Variants in CAB39L observed in about 807,000 individuals in gnomAD.
The protein encoded by CAB39L is calcium binding protein 39 like, also known as calcium-binding protein 39-like.
Under a neutral mutation model 39.1 loss-of-function variants are expected in CAB39L, and 23 were observed. The ratio of observed to expected loss-of-function variants is 0.59; its 90% CI spans 0.42 to 0.83. The LOEUF is 0.83. Among genes scored for constraint, CAB39L ranks in the 40% least tolerant of loss-of-function variants. CAB39L has a pLI of 0.00. For synonymous variants in CAB39L, 126 were observed against 137.2 expected (o/e 0.92, Z 0.57); for missense variants, 366 against 391.9 (o/e 0.93, Z 0.56).
intron 5 of CAB39L, among the ~76,000 whole-genome samples, chr13:49,374,897 CA>C (rs1956014409): frequency 1.3e-5 from 2 of 152,194 alleles, no homozygotes; most frequent in Non-Finnish European, 1.5e-5. Flanking sequence ...TTAATGACGA[CA>C]GTAGCTTAAT....
intron 4 of CAB39L, among the ~76,000 whole-genome samples, chr13:49,378,605 CCCGG>C (rs1956165562): frequency 8.5e-4 from 62 of 72,520 alleles, no homozygotes; most frequent in East Asian, 1.3e-3. Flanking sequence ...CAGCCCTCCG[CCCGG>C]CCAGCCGCCC....
chr13:49,385,573 C>T (rs532131568), intron 3 of CAB39L, among the ~76,000 whole-genome samples: 1 of 152,200 alleles, frequency 6.6e-6, no homozygotes, highest in Non-Finnish European at 1.5e-5. Context: ...ATGCCTTCCT[C>T]ACTAAGACTA....
At chr13:49,392,620 C>T (rs567978777) in intron 3 of CAB39L, among the ~76,000 whole-genome samples, 34 of 151,700 alleles carry the variant, frequency 2.2e-4, no homozygotes, top group Non-Finnish European at 4.6e-4. Context: ...CCAGCCTGGG[C>T]GACAGAGCAA....
At chr13:49,380,814 T>C (rs1338705791) in intron 4 of CAB39L, among the ~76,000 whole-genome samples, 1 of 152,210 alleles carries the variant, frequency 6.6e-6, no homozygotes, top group Non-Finnish European at 1.5e-5. Context: ...AAGAAGGAAA[T>C]GAGTAGAATA....
At chr13:49,366,071 T>G (rs1363070342) in intron 5 of CAB39L, among the ~76,000 whole-genome samples, 1 of 152,190 alleles carries the variant, frequency 6.6e-6, no homozygotes, top group African/African-American at 2.4e-5. Flanking sequence ...AAACATCAGA[T>G]GTTCTCAGTT....
At chr13:49,431,639 G>A (rs185823993) in intron 3 of CAB39L, among the ~76,000 whole-genome samples, 2 of 151,960 alleles carry the variant, frequency 1.3e-5, no homozygotes, top group Non-Finnish European at 2.9e-5. Flanking sequence ...CCTGGGAGGT[G>A]GAGGCTGCAG....
chr13:49,313,353 C>T (rs539930593), intron 10 of CAB39L, among the ~76,000 whole-genome samples: 11 of 152,068 alleles, frequency 7.2e-5, no homozygotes, highest in African/African-American at 1.4e-4. Context: ...TGGTGGCGGG[C>T]GCCTGTAGTC....
chr13:49,385,003 TAGAG>T lies in CAB39L; in HGVS notation c.-31-2066_-31-2063del, dbSNP rs370805331. Among the ~76,000 whole-genome samples the T allele has an allele frequency of 4.4e-4, 67 of 152,332 alleles. 2 individuals are homozygous for T. In the East Asian group the frequency reaches 0.012, roughly 28 times the overall value. On this transcript the variant is annotated intron_variant, in intron 3 of 10. Transcript: ENST00000409308. Reference sequence around the variant, plus strand: ...GTTACCAGCTGCATTAGCTCCTAACTAGAGAGTCAGCTTGTCCTTTAAAGCCAGG... The same window carrying T: ...GTTACCAGCTGCATTAGCTCCTAACTAGTCAGCTTGTCCTTTAAAGCCAGG...
intron 10 of CAB39L, among the ~76,000 whole-genome samples, chr13:49,326,011 G>A (rs1168061621): frequency 6.6e-6 from 1 of 152,166 alleles, no homozygotes. Flanking sequence ...GTTTTGAAGG[G>A]AATAGCTATT....
chr13:49,352,913 T>C (rs1334541049), intron 6 of CAB39L, among the ~76,000 whole-genome samples: 1 of 152,250 alleles, frequency 6.6e-6, no homozygotes, highest in Non-Finnish European at 1.5e-5. Context: ...AGTAATGTAC[T>C]ACTCTTTATA....
intron 9 of CAB39L, among the ~76,000 whole-genome samples, chr13:49,332,438 T>C (rs1954733206): frequency 6.6e-6 from 1 of 152,140 alleles, no homozygotes; most frequent in African/African-American, 2.4e-5. Flanking sequence ...GTAGAAGTAA[T>C]AACAAAATTG....
chr13:49,316,043 G>A (rs983393434), intron 10 of CAB39L, among the ~76,000 whole-genome samples: 10 of 151,854 alleles, frequency 6.6e-5, no homozygotes, highest in African/African-American at 2.4e-4. Flanking sequence ...ACGGAGAACA[G>A]GAAAATGACA....
At chr13:49,376,908 T>C (rs1956078489) in intron 5 of CAB39L, 59 bp downstream of exon 5, 4 of 1,351,398 alleles carry the variant, frequency 3.0e-6, no homozygotes, top group Non-Finnish European at 3.1e-6. Flanking sequence ...GATAGATAGA[T>C]AGATAGATAG....
chr13:49,354,769 A>G (rs1955443526), intron 6 of CAB39L, among the ~76,000 whole-genome samples: 1 of 152,204 alleles, frequency 6.6e-6, no homozygotes, highest in African/African-American at 2.4e-5. Flanking sequence ...TCAAATAATG[A>G]CAGCATAATG....
chr13:49,361,475 C>T (rs1955626719), intron 5 of CAB39L, among the ~76,000 whole-genome samples: 1 of 15,906 alleles, frequency 6.3e-5, no homozygotes. Context: ...AAGACTTCAT[C>T]TCAAAAAAAA....
At chr13:49,322,201 T>C (rs980380913) in intron 10 of CAB39L, among the ~76,000 whole-genome samples, 1 of 152,146 alleles carries the variant, frequency 6.6e-6, no homozygotes, top group African/African-American at 2.4e-5. Context: ...TTTCTGCCCC[T>C]AGAGCTTTGC....
chr13:49,413,648 G>C (rs1957034855), intron 3 of CAB39L: 1 of 152,178 alleles, frequency 6.6e-6, no homozygotes, highest in African/African-American at 2.4e-5. Context: ...AAAGGAAGAA[G>C]CCTGGAGAGA....
intron 3 of CAB39L, among the ~76,000 whole-genome samples, chr13:49,421,588 T>A (rs1460593347): frequency 6.6e-6 from 1 of 152,140 alleles, no homozygotes; most frequent in African/African-American, 2.4e-5. Flanking sequence ...TGTTGAGTGC[T>A]GGACTTTCAC....
intron 9 of CAB39L, among the ~76,000 whole-genome samples, chr13:49,335,736 G>T (rs2138408710): frequency 6.6e-6 from 1 of 152,234 alleles, no homozygotes; most frequent in Middle Eastern, 3.4e-3. Context: ...GTAATTAAAT[G>T]CCAGGCCTCT....
Sources: allele counts gnomAD v4.1 joint callset (sites outside exome capture counted in the v4.1 genomes callset), GRCh38; gene constraint gnomAD v4.1.1; transcripts MANE v1.5; gene names NCBI Gene and HGNC (gene_info 2026-07-23, HGNC 2026-07-21).